Variants in MAPT observed in about 807,000 individuals in gnomAD.
MAPT encodes the protein microtubule associated protein tau.
A neutral mutation model predicts 67.9 loss-of-function variants in MAPT; 34 were observed. The observed-to-expected ratio is 0.50, with a 90% CI of 0.38 to 0.67. MAPT has a LOEUF of 0.67. MAPT is among the 30% of genes least tolerant of loss of function. The pLI, the probability that MAPT is intolerant of heterozygous loss-of-function variation, is 0.00. For synonymous variants in MAPT, 456 were observed against 464.5 expected (o/e 0.98, Z 0.23); for missense variants, 881 against 1,115.2 (o/e 0.79, Z 2.99).
intron 9 of MAPT, chr17:45,999,252 A>T (rs934568312): frequency 1.9e-6 from 3 of 1,604,970 alleles, no homozygotes; most frequent in Non-Finnish European, 2.6e-6. Context: ...CACACTGAGC[A>T]TGTGTCTGCT....
chr17:46,014,982 G>A (rs1173055028), intron 11 of MAPT, among the ~76,000 whole-genome samples: 1 of 152,104 alleles, frequency 6.6e-6, no homozygotes, highest in African/African-American at 2.4e-5. Flanking sequence ...AGGGGATGGT[G>A]GGGGGATGGT....
intron 12 of MAPT, 51 bp from the exon 13 acceptor site, chr17:46,023,905 G>C (rs774470427): frequency 1.3e-6 from 2 of 1,517,244 alleles, no homozygotes; most frequent in Admixed American, 3.3e-5. Context: ...TGGCAGGGCT[G>C]GTCTTTCTCT....
intron 9 of MAPT, among the ~76,000 whole-genome samples, chr17:45,997,582 A>C (rs995960062): frequency 6.6e-6 from 1 of 152,034 alleles, no homozygotes; most frequent in South Asian, 2.1e-4. Flanking sequence ...ACAGGGTGAA[A>C]CCTCGTCTCT....
intron 1 of MAPT, among the ~76,000 whole-genome samples, chr17:45,935,453 C>T (rs2067236626): frequency 6.6e-6 from 1 of 152,142 alleles, no homozygotes; most frequent in Non-Finnish European, 1.5e-5. Context: ...TACTTACCTT[C>T]CCCACCCCCT....
chr17:45,966,769 C>A (rs1205891678), intron 2 of MAPT, among the ~76,000 whole-genome samples: 1 of 152,130 alleles, frequency 6.6e-6, no homozygotes, highest in Non-Finnish European at 1.5e-5. Flanking sequence ...ATCAGAAGTT[C>A]TATGCCAAAA....
chr17:45,926,977 GTA>G (rs943589956), intron 1 of MAPT, among the ~76,000 whole-genome samples: 3 of 139,152 alleles, frequency 2.2e-5, no homozygotes, highest in Admixed American at 7.3e-5. Flanking sequence ...ACATATATGT[GTA>G]TATATATACA....
rs887116805 is a variant in MAPT, at chr17:46,026,921, A to C, written c.*2750A>C. ...GCAACCCTGAGGGACTTGGCAGTAGAAATCCAGGGCCTCCCCTGGGGCTGG... is the reference window on the plus strand; with the variant it reads ...GCAACCCTGAGGGACTTGGCAGTAGCAATCCAGGGCCTCCCCTGGGGCTGG... On this transcript the variant is annotated 3_prime_UTR_variant, in exon 13 of 13. Coordinates refer to ENST00000262410, the MANE Select transcript of MAPT (RefSeq NM_001377265.1). 1 of 152,190 alleles carries C rather than the reference A, an allele frequency of 6.6e-6. No individual in the cohort carries two copies. Among genetic ancestry groups the C allele is most frequent in the African/African-American group, 2.4e-5 (1 of 41,418 alleles). The allele number at this position is 152,190 out of a possible 1,614,324, so 9.4% of individuals were successfully genotyped here. A position where few individuals can be genotyped will look rare whatever the true frequency, so the allele number is the denominator to read the frequency against.
intron 3 of MAPT, chr17:45,974,719 G>T: frequency 1.9e-6 from 1 of 533,264 alleles, no homozygotes; most frequent in Non-Finnish European, 3.4e-6. Context: ...TCCTCATCTT[G>T]CCTCAGTCAG....
chr17:46,001,793 G>A (rs1049119044), intron 9 of MAPT, among the ~76,000 whole-genome samples: 1 of 152,218 alleles, frequency 6.6e-6, no homozygotes, highest in East Asian at 1.9e-4. Context: ...CAGGCCAGGG[G>A]ACAGGGGCAG....
intron 1 of MAPT, among the ~76,000 whole-genome samples, chr17:45,931,172 T>G (rs1373941084): frequency 6.6e-6 from 1 of 152,206 alleles, no homozygotes; most frequent in Non-Finnish European, 1.5e-5. Flanking sequence ...AAGGGGTTTC[T>G]CAGCCATCGT....
At chr17:45,953,166 G>A (rs191176200) in intron 1 of MAPT, among the ~76,000 whole-genome samples, 54 of 152,326 alleles carry the variant, frequency 3.5e-4, no homozygotes, top group African/African-American at 1.1e-3. Flanking sequence ...ATGGCACTGC[G>A]TGACCCTGCA....
intron 11 of MAPT, among the ~76,000 whole-genome samples, 200 bp from the exon 12 acceptor site, chr17:46,018,418 G>T (rs2076323836): frequency 6.6e-6 from 1 of 152,174 alleles, no homozygotes; most frequent in African/African-American, 2.4e-5. Flanking sequence ...GCTTGGCCCT[G>T]GTTCAAGTCC....
intron 9 of MAPT, among the ~76,000 whole-genome samples, chr17:46,001,144 G>C (rs2074965884): frequency 6.6e-6 from 1 of 152,086 alleles, no homozygotes; most frequent in Non-Finnish European, 1.5e-5. Flanking sequence ...TGGGAGGACT[G>C]CTTGAGCCTG....
chr17:45,904,329 T>TAATATATTA (rs1271080496), intron 1 of MAPT, among the ~76,000 whole-genome samples: 1 of 62,244 alleles, frequency 1.6e-5, no homozygotes, highest in South Asian at 3.8e-4. Context: ...ATAATATATA[T>TAATATATTA]TATATATTAT....
intron 1 of MAPT, among the ~76,000 whole-genome samples, chr17:45,944,552 GC>G (rs1381858997): frequency 6.6e-6 from 1 of 152,204 alleles, no homozygotes; most frequent in Non-Finnish European, 1.5e-5. Flanking sequence ...CCAACGAGAA[GC>G]CAAGCAGGGG....
intron 1 of MAPT, among the ~76,000 whole-genome samples, chr17:45,948,756 A>T (rs908843979): frequency 4.6e-5 from 7 of 152,212 alleles, no homozygotes; most frequent in Admixed American, 4.6e-4. Flanking sequence ...TAAATGAGGT[A>T]ATAACTGGAA....
At chr17:45,944,066 C>A (rs1416256729) in intron 1 of MAPT, among the ~76,000 whole-genome samples, 2 of 152,216 alleles carry the variant, frequency 1.3e-5, no homozygotes, top group Admixed American at 6.5e-5. Context: ...ACTCACACGT[C>A]ATGACTTCAG....
At chr17:46,012,338 A>G (rs1388423958) in intron 10 of MAPT, among the ~76,000 whole-genome samples, 1 of 151,932 alleles carries the variant, frequency 6.6e-6, no homozygotes, top group Non-Finnish European at 1.5e-5. Context: ...TCTGCGGGCT[A>G]GCCTGTGACC....
chr17:45,974,372 C>A lies in MAPT; in HGVS notation c.220+2427C>A, dbSNP rs997437822. On this transcript the variant is annotated intron_variant, in intron 3 of 12. Transcript: ENST00000262410. ...GTCCTGGCCCCTCTAAGGTGGATCTCGGTGGTTTCTAGATGTGACAGCACC... is the reference window on the plus strand; with the variant it reads ...GTCCTGGCCCCTCTAAGGTGGATCTAGGTGGTTTCTAGATGTGACAGCACC... The A allele has an allele frequency of 3.8e-6, 6 of 1,585,388 alleles. No homozygotes were observed. The African/African-American group carries it at 4.0e-5, about 11-fold the overall frequency.
Sources: gnomAD v4.1 joint callset for allele counts (sites outside exome capture counted in the v4.1 genomes callset) on GRCh38, gnomAD v4.1.1 for gene constraint, MANE v1.5 for transcripts, NCBI Gene and HGNC (gene_info 2026-07-23, HGNC 2026-07-21) for gene names.